Variants in RAPGEF2 observed in about 807,000 individuals in gnomAD.
RAPGEF2 encodes Rap guanine nucleotide exchange factor 2.
In RAPGEF2, 54 loss-of-function variants were observed where a neutral mutation model predicts 186.7. The ratio of observed to expected loss-of-function variants is 0.29; its 90% CI spans 0.23 to 0.36. RAPGEF2 has a LOEUF of 0.36. Ranked by LOEUF, RAPGEF2 falls within the 10% of genes least tolerant of loss-of-function variation. The pLI is 1.00. For synonymous variants in RAPGEF2, 712 were observed against 705.9 expected (o/e 1.01, Z -0.14); for missense variants, 1,532 against 2,045.0 (o/e 0.75, Z 4.84).
At chr4:159,193,119 G>C (rs964272277) in intron 2 of RAPGEF2, 81 bp from the exon 3 acceptor site, 1 of 677,708 alleles carries the variant, frequency 1.5e-6, no homozygotes, top group Non-Finnish European at 2.2e-6. Flanking sequence ...TTTCTAGACT[G>C]TATGTGTCAT....
chr4:159,308,690 G>A (rs1763597713), intron 8 of RAPGEF2, among the ~76,000 whole-genome samples: 1 of 152,184 alleles, frequency 6.6e-6, no homozygotes, highest in African/African-American at 2.4e-5. Context: ...GAATAATGTT[G>A]CTGAGATGGT....
At chr4:159,274,028 G>A (rs1758529923) in intron 7 of RAPGEF2, among the ~76,000 whole-genome samples, 1 of 152,146 alleles carries the variant, frequency 6.6e-6, no homozygotes, top group Admixed American at 6.5e-5. Flanking sequence ...CTGACCTCAG[G>A]TGACCTGCCT....
Position 159,353,496 on chromosome 4 carries a change from A to G in RAPGEF2, c.4101A>G (p.Ala1367=), listed in dbSNP as rs1731500056. ...TCTTTTAACCACTTAGGTCCTATGCACCAATGTCCGAGGGCCGAGGCTTAT... is the reference window on the plus strand; with the variant it reads ...TCTTTTAACCACTTAGGTCCTATGCGCCAATGTCCGAGGGCCGAGGCTTAT... ...EPDQYSLGSY[A]PMSEGRGLYA... Residue 1367 remains alanine (A), a synonymous_variant, in exon 28 of 30, where the codon GCA becomes GCG. Coordinates refer to ENST00000691494, the MANE Select transcript of RAPGEF2 (RefSeq NM_001394067.2). The surrounding 1 kb of genome is among the most constrained non-coding windows in gnomAD (Gnocchi z 4.3). 2.0e-6 allele frequency: 3 copies of G among 1,479,018 alleles called. No homozygotes were observed. The highest frequency in any genetic ancestry group is 1.5e-5 in the South Asian group (1 of 65,082). The allele number at this position is 1,479,018 out of a possible 1,614,324, so 91.6% of individuals were successfully genotyped here. A position where few individuals can be genotyped will look rare whatever the true frequency, so the allele number is the denominator to read the frequency against.
intron 1 of RAPGEF2, among the ~76,000 whole-genome samples, chr4:159,113,883 G>A (rs1456586662): frequency 1.3e-5 from 2 of 151,990 alleles, no homozygotes; most frequent in East Asian, 3.8e-4. Context: ...ATTAGTTGGG[G>A]AAACTTGAAA....
At chr4:159,318,159 T>C (rs1182502994) in intron 9 of RAPGEF2, among the ~76,000 whole-genome samples, 1 of 152,214 alleles carries the variant, frequency 6.6e-6, no homozygotes, top group Non-Finnish European at 1.5e-5. Flanking sequence ...TTTGCAGCTA[T>C]CAAAGATACA....
intron 7 of RAPGEF2, among the ~76,000 whole-genome samples, chr4:159,303,494 T>A (rs1317937341): frequency 6.6e-6 from 1 of 152,140 alleles, no homozygotes. Flanking sequence ...TAGACAAATA[T>A]AATGTCTTTT....
chr4:159,149,188 A>G (rs772225760), intron 1 of RAPGEF2, among the ~76,000 whole-genome samples: 28 of 152,378 alleles, frequency 1.8e-4, no homozygotes, highest in African/African-American at 6.7e-4. Flanking sequence ...TTCATTGAAT[A>G]AACAATAAAA....
At chr4:159,249,840 C>G (rs1346055315) in intron 7 of RAPGEF2, among the ~76,000 whole-genome samples, 1 of 151,928 alleles carries the variant, frequency 6.6e-6, no homozygotes, top group African/African-American at 2.4e-5. Flanking sequence ...GTTAAAGAAA[C>G]CCAGATACCA....
At position 159,356,063 on chromosome 4, in the gene RAPGEF2, G is replaced by C; in HGVS notation, c.4862G>C (p.Ser1621Thr). ...VQQPHGHPTS[S>T]RPVNKPQWHK... ...CAGCCACATGGGCATCCCACCAGCA[G>C]CAGGCCTGTGAACAAACCTCAGTGG... The change falls in exon 29 of 30, where the codon AGC becomes ACC. Residue 1621 changes from serine to threonine, a missense_variant. Around this residue, in one of 4 missense-constraint regions of RAPGEF2, gnomAD observed 594 missense variants for 608.5 expected, o/e 0.98. Transcript: ENST00000691494. 6.2e-7 allele frequency: 1 copy of C among 1,614,178 alleles called. No individual in the cohort carries two copies. The highest frequency in any genetic ancestry group is 8.5e-7 in the Non-Finnish European group (1 of 1,180,032).
intron 1 of RAPGEF2, among the ~76,000 whole-genome samples, chr4:159,171,939 G>A (rs1299305073): frequency 6.6e-6 from 1 of 151,746 alleles, no homozygotes; most frequent in Non-Finnish European, 1.5e-5. Context: ...AAATAGGGTA[G>A]GCAACTTAAA....
intron 2 of RAPGEF2, 71 bp downstream of exon 2, chr4:159,186,783 A>T: frequency 1.2e-6 from 1 of 853,908 alleles, no homozygotes; most frequent in Non-Finnish European, 1.8e-6. Flanking sequence ...TTAACATTTT[A>T]ATTTTTTACT....
chr4:159,282,766 C>A, intron 7 of RAPGEF2: 1 of 352,422 alleles, frequency 2.8e-6, no homozygotes, highest in South Asian at 2.2e-5. Flanking sequence ...GGATTTGGGG[C>A]TGTATTTAAA....
At chr4:159,302,714 T>C (rs2111041078) in intron 7 of RAPGEF2, among the ~76,000 whole-genome samples, 1 of 152,276 alleles carries the variant, frequency 6.6e-6, no homozygotes, top group Non-Finnish European at 1.5e-5. Context: ...TTTAGAGGTA[T>C]TTGCCTATCC....
chr4:159,109,940 G>C (rs949532829), intron 1 of RAPGEF2, among the ~76,000 whole-genome samples: 8 of 152,196 alleles, frequency 5.3e-5, no homozygotes, highest in African/African-American at 1.9e-4. Context: ...GAGACCAAGA[G>C]TTCTGTTAAA....
In RAPGEF2 at chr4:159,158,971, C is replaced by T. The variant is rs189847726; in HGVS notation, c.70-27671C>T. Among the ~76,000 whole-genome samples the T allele has an allele frequency of 5.6e-3, 846 of 152,284 alleles. 8 individuals are homozygous for T. Among genetic ancestry groups the T allele is most frequent in the African/African-American group, 0.02 (813 of 41,542 alleles). On this transcript the variant is annotated intron_variant, in intron 1 of 29. Coordinates refer to ENST00000691494, the MANE Select transcript of RAPGEF2 (RefSeq NM_001394067.2). ...CTAGCGTTTAAGTGTTTTATAATCTCACTTTATTTGGTCTTAACGGCAACA... is the reference window on the plus strand; with the variant it reads ...CTAGCGTTTAAGTGTTTTATAATCTTACTTTATTTGGTCTTAACGGCAACA...
chr4:159,107,151 A>G (rs565342937), intron 1 of RAPGEF2, among the ~76,000 whole-genome samples: 3 of 152,310 alleles, frequency 2.0e-5, no homozygotes, highest in Non-Finnish European at 4.4e-5. Flanking sequence ...ATTGTATTCT[A>G]AATAACAAAC....
At chr4:159,246,280 T>C (rs1754623036) in intron 7 of RAPGEF2, among the ~76,000 whole-genome samples, 1 of 152,122 alleles carries the variant, frequency 6.6e-6, no homozygotes, top group African/African-American at 2.4e-5. Context: ...ATTAAATTAA[T>C]ATAATGTAAA....
chr4:159,213,160 G>A (rs374371209), intron 4 of RAPGEF2, among the ~76,000 whole-genome samples: 8 of 152,168 alleles, frequency 5.3e-5, no homozygotes, highest in South Asian at 2.1e-4. Flanking sequence ...AGTTTGCACC[G>A]TCCAAGTTGC....
At chr4:159,116,315 C>T (rs1739049530) in intron 1 of RAPGEF2, among the ~76,000 whole-genome samples, 1 of 152,022 alleles carries the variant, frequency 6.6e-6, no homozygotes, top group African/African-American at 2.4e-5. Context: ...TCATTGCAGC[C>T]AACAAACATG....
Sources: allele counts gnomAD v4.1 joint callset (sites outside exome capture counted in the v4.1 genomes callset), GRCh38; gene constraint gnomAD v4.1.1; regional missense constraint gnomAD v4.1.1; non-coding constraint Gnocchi (gnomAD v3.1); transcripts MANE v1.5; gene names NCBI Gene and HGNC (gene_info 2026-07-23, HGNC 2026-07-21).